The following XKR6 variants were observed in gnomAD, a reference collection of about 807,000 sequenced individuals.
XKR6 encodes XK related 6, also known as XK-related protein 6.
In XKR6, 22 loss-of-function variants were observed where a neutral mutation model predicts 56.7. That is an observed-to-expected ratio of 0.39 (90% CI 0.28 to 0.55). The LOEUF (loss-of-function observed/expected upper bound fraction) is 0.55. Ranked by LOEUF, XKR6 falls within the 20% of genes least tolerant of loss-of-function variation. XKR6 has a pLI of 0.66. For missense variants in XKR6, 852 were observed against 889.0 expected, an observed-to-expected ratio of 0.96 and a Z score of 0.53; for synonymous variants, 524 against 387.8, an observed-to-expected ratio of 1.35 and a Z score of -4.13.
chr8:10,965,514 G>C (rs756452952), intron 1 of XKR6, among the ~76,000 whole-genome samples: 1 of 152,254 alleles, frequency 6.6e-6, no homozygotes, highest in Non-Finnish European at 1.5e-5. Context: ...AGGAACACAA[G>C]AACATTCTCG....
chr8:11,116,001 A>G (rs1176677102), intron 1 of XKR6, among the ~76,000 whole-genome samples: 1 of 152,250 alleles, frequency 6.6e-6, no homozygotes, highest in African/African-American at 2.4e-5. Flanking sequence ...TTAAATACTT[A>G]GAATAAAGAA....
intron 1 of XKR6, among the ~76,000 whole-genome samples, chr8:11,197,986 TA>T (rs1161060516): frequency 1.3e-5 from 2 of 152,236 alleles, no homozygotes; most frequent in Admixed American, 1.3e-4. Context: ...CATCTTTTCT[TA>T]GAGATGCGGC....
At chr8:10,996,913 G>C (rs1293527773) in intron 1 of XKR6, among the ~76,000 whole-genome samples, 1 of 152,082 alleles carries the variant, frequency 6.6e-6, no homozygotes, top group East Asian at 1.9e-4. Context: ...GGGCTGCAGT[G>C]AGCTATGATG....
intron 1 of XKR6, among the ~76,000 whole-genome samples, chr8:11,183,880 T>C (rs1803125787): frequency 6.6e-6 from 1 of 152,172 alleles, no homozygotes; most frequent in Admixed American, 6.5e-5. Flanking sequence ...TATGAACTTT[T>C]GGAAGCAATG....
chr8:11,181,355 C>G (rs1802969855), intron 1 of XKR6, among the ~76,000 whole-genome samples: 2 of 152,146 alleles, frequency 1.3e-5, no homozygotes, highest in Admixed American at 6.5e-5. Context: ...GACTTTTAGA[C>G]AGACTGTATT....
In XKR6 at chr8:11,111,291, T is replaced by C. The variant is rs1169787968; in HGVS notation, c.764+89285A>G. Among the ~76,000 whole-genome samples the C allele has an allele frequency of 3.3e-5, 5 of 152,050 alleles. No individual in the cohort carries two copies. The East Asian group carries it at 9.6e-4, about 29-fold the overall frequency. ...TCATTCAGCCAATAATAGAAGGAGG[T>C]GGCGGCTGGAGGGCAAACTGAACAG... On this transcript the variant is annotated intron_variant, in intron 1 of 2. Coordinates refer to ENST00000416569, the MANE Select transcript of XKR6 (RefSeq NM_173683.4).
intron 1 of XKR6, chr8:11,002,384 T>C (rs774950477): frequency 1.2e-4 from 41 of 344,650 alleles, no homozygotes; most frequent in South Asian, 4.0e-4. Context: ...CAGCCAGCAC[T>C]CACCCAGCAG....
At chr8:11,005,773 T>A (rs998745482) in intron 1 of XKR6, among the ~76,000 whole-genome samples, 1 of 152,050 alleles carries the variant, frequency 6.6e-6, no homozygotes, top group Non-Finnish European at 1.5e-5. Context: ...TATTTTCCTC[T>A]TTTTCATATC....
intron 1 of XKR6, among the ~76,000 whole-genome samples, chr8:11,060,422 C>A (rs1270751621): frequency 1.3e-5 from 2 of 152,244 alleles, no homozygotes; most frequent in Non-Finnish European, 2.9e-5. Flanking sequence ...TCCTCCGCAG[C>A]CCCGCAGTGC....
At chr8:11,064,986 G>T (rs530655075) in intron 1 of XKR6, among the ~76,000 whole-genome samples, 1 of 152,166 alleles carries the variant, frequency 6.6e-6, no homozygotes, top group African/African-American at 2.4e-5. Context: ...GAAAGTCTTT[G>T]AACTACTTTA....
chr8:10,898,914 C>T lies in XKR6; in HGVS notation c.964G>A (p.Val322Ile), dbSNP rs555687284. ...GACATCAGGGAAGTCACAGAGGAGACACCTGCCGGAAAGACACAAACCCAC... is the reference window on the plus strand; with the variant it reads ...GACATCAGGGAAGTCACAGAGGAGATACCTGCCGGAAAGACACAAACCCAC... The part of the protein sequence containing the change: ...QKNSAETLPC[V>I]SSVTSLMSLA... Residue 322 changes from valine to isoleucine, a missense_variant and splice_region_variant, in exon 3 of 3, where the codon GTC becomes ATC. Val to Ile is a conservative substitution (Grantham distance 29). This residue lies in a region of XKR6 where 199 missense variants were observed against 280.4 expected (regional missense o/e 0.71). Coordinates refer to ENST00000416569, the MANE Select transcript of XKR6 (RefSeq NM_173683.4). This position sits in a 1 kb window ranked among gnomAD's most constrained non-coding sequence, Gnocchi z 6.6. 9 of 1,598,928 alleles carry T rather than the reference C, an allele frequency of 5.6e-6. No individual in the cohort carries two copies. The highest frequency in any genetic ancestry group is 7.7e-6 in the Non-Finnish European group (9 of 1,172,760).
intron 1 of XKR6, among the ~76,000 whole-genome samples, chr8:11,100,065 G>C (rs149399074): frequency 2.6e-5 from 4 of 152,198 alleles, no homozygotes; most frequent in East Asian, 1.9e-4. Flanking sequence ...ATTTTGTTTT[G>C]TTTTGAGGCA....
At chr8:11,091,161 T>C (rs1798055930) in intron 1 of XKR6, among the ~76,000 whole-genome samples, 2 of 152,172 alleles carry the variant, frequency 1.3e-5, no homozygotes, top group African/African-American at 2.4e-5. Flanking sequence ...CCTGGAGTGG[T>C]GGTTCATACC....
chr8:11,180,958 C>A (rs1802942562), intron 1 of XKR6, among the ~76,000 whole-genome samples: 1 of 152,086 alleles, frequency 6.6e-6, no homozygotes, highest in South Asian at 2.1e-4. Context: ...AAAGTCAGGG[C>A]TAAAACACAA....
At chr8:10,926,598 G>T (rs1800893237) in intron 1 of XKR6, among the ~76,000 whole-genome samples, 1 of 152,248 alleles carries the variant, frequency 6.6e-6, no homozygotes, top group Non-Finnish European at 1.5e-5. Flanking sequence ...GGAAGGTTGG[G>T]GCACCAGGCC....
intron 1 of XKR6, among the ~76,000 whole-genome samples, chr8:11,113,588 C>T (rs1038416493): frequency 3.3e-5 from 5 of 152,056 alleles, no homozygotes; most frequent in Non-Finnish European, 7.4e-5. Context: ...AAAGTTGTGG[C>T]AAGAATCCTT....
intron 1 of XKR6, among the ~76,000 whole-genome samples, chr8:11,093,421 G>C (rs1441326231): frequency 6.6e-6 from 1 of 152,170 alleles, no homozygotes; most frequent in African/African-American, 2.4e-5. Context: ...TTAGCACGAA[G>C]ATGGCTATGC....
chr8:11,079,931 G>C (rs890029829), intron 1 of XKR6, among the ~76,000 whole-genome samples: 2 of 152,024 alleles, frequency 1.3e-5, no homozygotes, highest in African/African-American at 4.8e-5. Flanking sequence ...TTGTACCACT[G>C]CACTCCAACC....
At chr8:11,014,423 G>A (rs1447062896) in intron 1 of XKR6, among the ~76,000 whole-genome samples, 1 of 152,152 alleles carries the variant, frequency 6.6e-6, no homozygotes, top group African/African-American at 2.4e-5. Context: ...GTAAAGGCAG[G>A]AAAACCCCCT....
Sources: allele counts gnomAD v4.1 joint callset (sites outside exome capture counted in the v4.1 genomes callset), GRCh38; gene constraint gnomAD v4.1.1; regional missense constraint gnomAD v4.1.1; non-coding constraint Gnocchi (gnomAD v3.1); transcripts MANE v1.5; gene names NCBI Gene and HGNC (gene_info 2026-07-23, HGNC 2026-07-21).